The following POU6F2 variants were observed in gnomAD, a reference collection of about 807,000 sequenced individuals.
POU6F2 encodes POU domain, class 6, transcription factor 2.
A neutral mutation model predicts 71.3 loss-of-function variants in POU6F2; 31 were observed. The observed-to-expected ratio is 0.43, with a 90% CI of 0.33 to 0.59. The LOEUF is 0.59. POU6F2 is among the 20% of genes least tolerant of loss of function. The pLI is 0.04. For synonymous variants in POU6F2, 347 were observed against 355.7 expected (o/e 0.98, Z 0.27); for missense variants, 783 against 856.8 (o/e 0.91, Z 1.07).
chr7:39,121,121 T>C (rs1792031888), intron 2 of POU6F2, among the ~76,000 whole-genome samples: 1 of 152,206 alleles, frequency 6.6e-6, no homozygotes, highest in South Asian at 2.1e-4. Context: ...GAGAGAGATG[T>C]TGGTATGAGA....
In POU6F2 at chr7:39,207,470, A is replaced by ATCC. The variant is rs769446345; in HGVS notation, c.451_453dup (p.Leu151dup). The ATCC allele has an allele frequency of 6.2e-6, 10 of 1,613,850 alleles. No homozygotes were observed. The highest frequency in any genetic ancestry group is 8.5e-6 in the Non-Finnish European group (10 of 1,179,882). ...AGGCCCCCCAGCCCTCAACCAGCCA[A>ATCC]TCCTCATTCCCTTCAACATGGCGGG... On this transcript the variant is annotated inframe_insertion, in exon 4 of 10. Coordinates refer to ENST00000518318, the MANE Select transcript of POU6F2 (RefSeq NM_001370959.1).
intron 1 of POU6F2, among the ~76,000 whole-genome samples, chr7:39,003,537 A>T (rs1280816126): frequency 6.6e-6 from 1 of 150,878 alleles, no homozygotes; most frequent in Non-Finnish European, 1.5e-5. Flanking sequence ...CAGGAGATCG[A>T]GACCATCGGG....
intron 4 of POU6F2, among the ~76,000 whole-genome samples, chr7:39,332,481 T>C (rs1380567514): frequency 6.6e-6 from 1 of 152,210 alleles, no homozygotes; most frequent in African/African-American, 2.4e-5. Flanking sequence ...AGGATAAAAT[T>C]ATGTAAAGAG....
chr7:39,344,000 G>A (rs1785977765), intron 5 of POU6F2, among the ~76,000 whole-genome samples: 1 of 152,144 alleles, frequency 6.6e-6, no homozygotes, highest in Non-Finnish European at 1.5e-5. Flanking sequence ...CTTAGCCAGA[G>A]AGTCCAAATT....
chr7:39,096,747 GAA>G (rs5883673), intron 2 of POU6F2, among the ~76,000 whole-genome samples: 20 of 150,768 alleles, frequency 1.3e-4, no homozygotes, highest in East Asian at 1.2e-3. Flanking sequence ...TTGCAGCCTA[GAA>G]AAAAAAAATG....
chr7:39,371,474 C>G (rs561962658), intron 5 of POU6F2, among the ~76,000 whole-genome samples: 1 of 152,162 alleles, frequency 6.6e-6, no homozygotes, highest in African/African-American at 2.4e-5. Flanking sequence ...CCACCACGCC[C>G]GGCCGAGAAT....
intron 5 of POU6F2, among the ~76,000 whole-genome samples, chr7:39,371,977 G>A (rs1198128987): frequency 4.6e-5 from 7 of 152,148 alleles, no homozygotes; most frequent in Non-Finnish European, 1.0e-4. Flanking sequence ...GTGCAGTGAT[G>A]CAATCATGGC....
At chr7:39,065,673 A>T (rs2128716932) in intron 1 of POU6F2, among the ~76,000 whole-genome samples, 1 of 151,774 alleles carries the variant, frequency 6.6e-6, no homozygotes, top group South Asian at 2.1e-4. Flanking sequence ...ATACAATTCC[A>T]TTCGGATATA....
At chr7:39,454,518 G>A (rs2116132161) in intron 8 of POU6F2, among the ~76,000 whole-genome samples, 1 of 150,848 alleles carries the variant, frequency 6.6e-6, no homozygotes, top group South Asian at 2.1e-4. Flanking sequence ...ACATTCCAAA[G>A]GATTTAGGAA....
chr7:39,026,408 T>A (rs1360536810), intron 1 of POU6F2, among the ~76,000 whole-genome samples: 3 of 152,030 alleles, frequency 2.0e-5, no homozygotes, highest in African/African-American at 7.2e-5. Context: ...CACCATGGAA[T>A]CCTATGCAGC....
chr7:39,357,197 T>C (rs541852472), intron 5 of POU6F2, among the ~76,000 whole-genome samples: 1 of 152,250 alleles, frequency 6.6e-6, no homozygotes, highest in South Asian at 2.1e-4. Context: ...TGCCTGGGAC[T>C]CTCACATGAC....
rs986625308 is a variant in POU6F2, at chr7:39,130,668, T to A, written c.277+44637T>A. On this transcript the variant is annotated intron_variant, in intron 2 of 9. Coordinates refer to ENST00000518318, the MANE Select transcript of POU6F2 (RefSeq NM_001370959.1). ...GAGTTTATTACTCAGAAGAACACTTTTAAAAATCAGATTTTTTTTTTCAAA... is the reference window on the plus strand; with the variant it reads ...GAGTTTATTACTCAGAAGAACACTTATAAAAATCAGATTTTTTTTTTCAAA... Among the ~76,000 whole-genome samples, 17 of 152,302 alleles carry A rather than the reference T, an allele frequency of 1.1e-4. No individual in the cohort carries two copies. In the East Asian group the frequency reaches 1.3e-3, roughly 12 times the overall value.
At chr7:39,262,843 C>T (rs1784165018) in intron 4 of POU6F2, among the ~76,000 whole-genome samples, 4 of 152,166 alleles carry the variant, frequency 2.6e-5, no homozygotes, top group Admixed American at 2.6e-4. Flanking sequence ...CAAAATTACC[C>T]AGTGCATTTT....
intron 5 of POU6F2, among the ~76,000 whole-genome samples, chr7:39,352,863 T>C (rs1339191186): frequency 6.6e-6 from 1 of 152,100 alleles, no homozygotes; most frequent in Non-Finnish European, 1.5e-5. Context: ...ATGAACATAG[T>C]GCCCAAAAAA....
At chr7:39,142,779 A>T (rs1792530763) in intron 2 of POU6F2, among the ~76,000 whole-genome samples, 1 of 152,070 alleles carries the variant, frequency 6.6e-6, no homozygotes, top group South Asian at 2.1e-4. Flanking sequence ...GCACCCTTAC[A>T]CCTTCTTTCC....
At chr7:39,194,551 CCAAT>C in intron 2 of POU6F2, among the ~76,000 whole-genome samples, 1 of 5,380 alleles carries the variant, frequency 1.9e-4, no homozygotes, top group African/African-American at 7.8e-3. Context: ...GTAAAGTGGA[CCAAT>C]CAGCGCTCTG....
chr7:39,450,369 A>G (rs1384543255), intron 7 of POU6F2, among the ~76,000 whole-genome samples: 1 of 152,220 alleles, frequency 6.6e-6, no homozygotes, highest in Non-Finnish European at 1.5e-5. Context: ...TTTACAAACC[A>G]AAAAGTGCTA....
At chr7:39,456,917 G>C (rs994265419) in intron 8 of POU6F2, among the ~76,000 whole-genome samples, 20 of 152,190 alleles carry the variant, frequency 1.3e-4, no homozygotes, top group African/African-American at 4.1e-4. Context: ...CTGTTTCTTG[G>C]GGGCCTCATG....
intron 5 of POU6F2, among the ~76,000 whole-genome samples, chr7:39,402,323 A>T (rs921459230): frequency 9.2e-5 from 14 of 152,170 alleles, no homozygotes; most frequent in Non-Finnish European, 4.4e-5. Context: ...GGAAATATGG[A>T]TTTATTCTCA....
Sources: allele counts gnomAD v4.1 joint callset (sites outside exome capture counted in the v4.1 genomes callset), GRCh38; gene constraint gnomAD v4.1.1; transcripts MANE v1.5; gene names NCBI Gene and HGNC (gene_info 2026-07-23, HGNC 2026-07-21).